Variants in DDX19B observed in about 807,000 individuals in gnomAD.
DDX19B encodes DEAD-box helicase 19B, also known as ATP-dependent RNA helicase DDX19B.
In DDX19B, 27 loss-of-function variants were observed where a neutral mutation model predicts 58.1. That is an observed-to-expected ratio of 0.46 (90% confidence interval 0.34 to 0.64). The LOEUF (loss-of-function observed/expected upper bound fraction) is 0.64, where lower values mean the gene tolerates loss of function less well. DDX19B is among the 30% of genes least tolerant of loss of function. The pLI is 0.01. For missense variants in DDX19B, 399 were observed against 596.5 expected (o/e 0.67, Z 3.45); for synonymous variants, 187 against 214.4 (o/e 0.87, Z 1.12).
intron 1 of DDX19B, among the ~76,000 whole-genome samples, chr16:70,311,961 C>T (rs1033534802): frequency 6.6e-6 from 1 of 152,030 alleles, no homozygotes. Flanking sequence ...CCTGCCTCAG[C>T]CTCCCAAGTA....
chr16:70,330,211 G>T, intron 9 of DDX19B, 143 bp downstream of exon 9: 2 of 907,654 alleles, frequency 2.2e-6, no homozygotes, highest in South Asian at 3.3e-5. Context: ...TCGTAAGAGG[G>T]AGACTTTGAT....
At chr16:70,306,152 G>T (rs1005478423) in intron 1 of DDX19B, among the ~76,000 whole-genome samples, 21 of 150,586 alleles carry the variant, frequency 1.4e-4, no homozygotes, top group Non-Finnish European at 2.2e-4. Flanking sequence ...GTTGTTGTTT[G>T]TTGTTGTTGT....
upstream of DDX19B, among the ~76,000 whole-genome samples, chr16:70,294,126 G>C (rs1313278319): frequency 1.4e-5 from 2 of 140,226 alleles, no homozygotes; most frequent in Non-Finnish European, 3.0e-5. Context: ...CTGTCGCCCA[G>C]GCTGGAGTGC....
At chr16:70,299,098 G>A (rs889460080), upstream of DDX19B, 9 of 1,317,990 alleles carry the variant, frequency 6.8e-6, no homozygotes, top group Non-Finnish European at 8.7e-6. Flanking sequence ...ACGGGTCTGA[G>A]GGCAACAGAA....
rs1963461949 is a variant in DDX19B at position 70,331,162 on chromosome 16, G to A, written c.1024-560G>A. ...CATGGTCATAGCTCACTGCAGCCTT[G>A]GCTCTTGTTACTAGGGCTACAGGTA... On this transcript the variant is annotated intron_variant, in intron 9 of 11. Transcript: ENST00000288071. 2.0e-5 allele frequency among the ~76,000 whole-genome samples: 3 copies of A among 152,236 alleles called. No homozygotes were observed. In the South Asian group the frequency reaches 6.2e-4, roughly 32 times the overall value.
intron 4 of DDX19B, among the ~76,000 whole-genome samples, chr16:70,317,010 T>C (rs1962459097): frequency 1.3e-5 from 2 of 151,834 alleles, no homozygotes; most frequent in Admixed American, 1.3e-4. Context: ...ATTGAGATCA[T>C]CCTGGCTAAC....
chr16:70,327,514 T>C (rs1408910908), intron 7 of DDX19B, among the ~76,000 whole-genome samples: 4 of 151,368 alleles, frequency 2.6e-5, no homozygotes, highest in African/African-American at 9.7e-5. Flanking sequence ...GCCTGGGCGA[T>C]AGAGCAAGAC....
intron 1 of DDX19B, among the ~76,000 whole-genome samples, chr16:70,305,000 A>G (rs1166898049): frequency 4.6e-5 from 7 of 151,802 alleles, no homozygotes; most frequent in African/African-American, 1.2e-4. Flanking sequence ...TGTTTTATCC[A>G]TATATTTCAG....
Position 70,329,457 on chromosome 16 carries a change from T to A in DDX19B, c.773T>A (p.Ile258Asn). ...ACTCAGGGCCACCAAGATCAGAGCA[T>A]CCGCATCCAGAGGTAGGGATCTCGA... Reference protein sequence around the residue: ...IATQGHQDQSIRIQRMLPRNC... With the variant: ...IATQGHQDQSNRIQRMLPRNC... Residue 258 changes from isoleucine (I) to asparagine (N), a missense_variant, in exon 8 of 12, where the codon ATC becomes AAC. Ile to Asn is a moderately radical substitution (Grantham distance 149). This residue lies in a region of DDX19B where 198 missense variants were observed against 345.9 expected (regional missense o/e 0.57). Transcript: ENST00000288071. 1 of 1,613,892 alleles carries A rather than the reference T, an allele frequency of 6.2e-7. No homozygotes were observed. The highest frequency in any genetic ancestry group is 1.3e-5 in the African/African-American group (1 of 74,992).
intron 1 of DDX19B, among the ~76,000 whole-genome samples, chr16:70,311,977 C>G (rs1597474899): frequency 2.0e-5 from 3 of 151,862 alleles, no homozygotes; most frequent in African/African-American, 7.3e-5. Flanking sequence ...AAGTAGCTGG[C>G]ACTACAGGCA....
chr16:70,327,773 T>G (rs1963250306), intron 7 of DDX19B, among the ~76,000 whole-genome samples: 1 of 152,176 alleles, frequency 6.6e-6, no homozygotes, highest in Non-Finnish European at 1.5e-5. Context: ...CTATTGACTC[T>G]GGGGCTTATT....
intron 1 of DDX19B, among the ~76,000 whole-genome samples, chr16:70,303,861 A>G (rs1199121267): frequency 6.6e-6 from 1 of 150,770 alleles, no homozygotes; most frequent in Non-Finnish European, 1.5e-5. Context: ...GCCCGGCCTA[A>G]TTTATCAATT....
chr16:70,299,497 C>A (rs1961372618), intron 1 of DDX19B, 143 bp downstream of exon 1: 1 of 1,028,452 alleles, frequency 9.7e-7, no homozygotes, highest in South Asian at 2.2e-5. Flanking sequence ...CCTGAGCTGG[C>A]TTTGTTTACG....
chr16:70,289,863 G>C (rs1174458508), upstream of DDX19B: 2 of 401,876 alleles, frequency 5.0e-6, no homozygotes, highest in African/African-American at 4.1e-5. Flanking sequence ...AACGTGTTTG[G>C]TAGAGGTTAC....
chr16:70,332,536 G>T (rs1410233554), intron 10 of DDX19B, among the ~76,000 whole-genome samples: 3 of 152,114 alleles, frequency 2.0e-5, no homozygotes, highest in Middle Eastern at 6.3e-3. Flanking sequence ...CTTGACCTCA[G>T]ATGATCTGCC....
upstream of DDX19B, among the ~76,000 whole-genome samples, chr16:70,290,324 T>G (rs1388337425): frequency 6.6e-6 from 1 of 151,780 alleles, no homozygotes; most frequent in Non-Finnish European, 1.5e-5. Flanking sequence ...GATGACGAGG[T>G]CAGGAGACCG....
chr16:70,331,733 A>G lies in DDX19B; in HGVS notation c.1035A>G (p.Thr345=). 7 of 1,613,822 alleles carry G rather than the reference A, an allele frequency of 4.3e-6. No individual in the cohort carries two copies. The South Asian group carries it at 7.7e-5, about 18-fold the overall frequency. ...QAMIFCHTRK[T]ASWLAAELSK... Reference sequence around the variant, plus strand: ...TCTTTTCACTACAGACTCGCAAAACAGCTAGTTGGCTGGCAGCAGAGCTCT... The same window carrying G: ...TCTTTTCACTACAGACTCGCAAAACGGCTAGTTGGCTGGCAGCAGAGCTCT... Residue 345 remains threonine (T), a synonymous_variant, in exon 10 of 12, where the codon ACA becomes ACG. Coordinates refer to ENST00000288071, the MANE Select transcript of DDX19B (RefSeq NM_007242.7).
At chr16:70,327,370 T>A (rs1446941106) in intron 7 of DDX19B, among the ~76,000 whole-genome samples, 2 of 151,866 alleles carry the variant, frequency 1.3e-5, no homozygotes, top group Non-Finnish European at 2.9e-5. Flanking sequence ...CCATCTCTAC[T>A]AAACATAGAA....
At chr16:70,289,779 C>G (rs1428509520), upstream of DDX19B, 12 of 437,916 alleles carry the variant, frequency 2.7e-5, 1 homozygote, top group Non-Finnish European at 5.5e-5. Flanking sequence ...CCCCGGCTCC[C>G]GGAGGTCGAC....
Sources: allele counts gnomAD v4.1 joint callset (sites outside exome capture counted in the v4.1 genomes callset), GRCh38; gene constraint gnomAD v4.1.1; regional missense constraint gnomAD v4.1.1; transcripts MANE v1.5; gene names NCBI Gene and HGNC (gene_info 2026-07-23, HGNC 2026-07-21).